SYT2: variants seen among roughly 807,000 people sequenced by gnomAD.
SYT2 encodes synaptotagmin 2.
Under a neutral mutation model 39.9 loss-of-function variants are expected in SYT2, and 15 were observed. The observed-to-expected ratio is 0.38, with a 90% CI of 0.25 to 0.58. The LOEUF (loss-of-function observed/expected upper bound fraction) is 0.58. Ranked by LOEUF, SYT2 falls within the 20% of genes least tolerant of loss-of-function variation. The pLI is 0.70. For missense variants in SYT2, 389 were observed against 530.3 expected, an observed-to-expected ratio of 0.73 and a Z score of 2.62; for synonymous variants, 181 against 204.5, an observed-to-expected ratio of 0.89 and a Z score of 0.98.
intron 1 of SYT2, among the ~76,000 whole-genome samples, chr1:202,606,181 T>A (rs1690701408): frequency 6.6e-6 from 1 of 152,176 alleles, no homozygotes. Context: ...ATCCAAAAAA[T>A]AACCTAATGG....
At chr1:202,697,574 T>G (rs2149120069) in intron 1 of SYT2, among the ~76,000 whole-genome samples, 1 of 152,370 alleles carries the variant, frequency 6.6e-6, no homozygotes, top group East Asian at 1.9e-4. Context: ...GAAGGGGCTG[T>G]TTGAGGAATC....
intron 1 of SYT2, among the ~76,000 whole-genome samples, chr1:202,691,969 C>T (rs1653848381): frequency 1.3e-5 from 2 of 151,992 alleles, no homozygotes; most frequent in Non-Finnish European, 2.9e-5. Flanking sequence ...TTCTCTCTCC[C>T]ACCATCAAAG....
At chr1:202,683,252 T>A (rs1303470740) in intron 1 of SYT2, among the ~76,000 whole-genome samples, 2 of 152,224 alleles carry the variant, frequency 1.3e-5, no homozygotes, top group Non-Finnish European at 2.9e-5. Context: ...ATGACAAGTA[T>A]GTTCGCAGCA....
intron 1 of SYT2, among the ~76,000 whole-genome samples, chr1:202,672,576 A>G (rs1458116549): frequency 1.3e-5 from 2 of 151,084 alleles, no homozygotes; most frequent in Non-Finnish European, 2.9e-5. Context: ...ACAATAACTG[A>G]AAATACAAGT....
intron 1 of SYT2, among the ~76,000 whole-genome samples, chr1:202,630,695 C>T (rs1183122018): frequency 6.6e-6 from 1 of 152,198 alleles, no homozygotes; most frequent in Non-Finnish European, 1.5e-5. Context: ...CATCTGGGAC[C>T]CTCTCCTCAG....
chr1:202,695,344 C>T (rs1039472235), intron 1 of SYT2, among the ~76,000 whole-genome samples: 1 of 152,154 alleles, frequency 6.6e-6, no homozygotes, highest in African/African-American at 2.4e-5. Context: ...TCAGGGCCTC[C>T]TGAAGAAAAG....
chr1:202,660,658 A>G (rs1692359178), intron 1 of SYT2, among the ~76,000 whole-genome samples: 2 of 152,138 alleles, frequency 1.3e-5, no homozygotes, highest in South Asian at 4.1e-4. Context: ...TTTAAAAAAT[A>G]TTTTTATAGA....
At chr1:202,644,790 G>A (rs578231012) in intron 1 of SYT2, among the ~76,000 whole-genome samples, 5 of 152,218 alleles carry the variant, frequency 3.3e-5, no homozygotes, top group Non-Finnish European at 5.9e-5. Context: ...CTGGGGAACC[G>A]GGAAATTCCC....
At chr1:202,641,838 A>G (rs1691924968) in intron 1 of SYT2, among the ~76,000 whole-genome samples, 1 of 152,248 alleles carries the variant, frequency 6.6e-6, no homozygotes, top group African/African-American at 2.4e-5. Context: ...TCTCTAGGAA[A>G]GAATCTGCCC....
chr1:202,668,834 C>G (rs1692528142), intron 1 of SYT2, among the ~76,000 whole-genome samples: 1 of 152,242 alleles, frequency 6.6e-6, no homozygotes, highest in Admixed American at 6.5e-5. Flanking sequence ...TGGCGAGGCA[C>G]TGACCGATGG....
At chr1:202,676,607 C>A (rs905536172) in intron 1 of SYT2, among the ~76,000 whole-genome samples, 9 of 152,182 alleles carry the variant, frequency 5.9e-5, no homozygotes, top group African/African-American at 2.2e-4. Context: ...AAAACAGAAG[C>A]TTTTCCCAGG....
chr1:202,680,308 T>C (rs563816099), intron 1 of SYT2, among the ~76,000 whole-genome samples: 11 of 152,316 alleles, frequency 7.2e-5, no homozygotes, highest in Admixed American at 2.6e-4. Flanking sequence ...CTAGGAGCCA[T>C]AGAAAATTGG....
intron 1 of SYT2, among the ~76,000 whole-genome samples, chr1:202,645,667 G>C (rs1318970661): frequency 6.6e-6 from 1 of 152,226 alleles, no homozygotes; most frequent in Non-Finnish European, 1.5e-5. Context: ...CTTCTGTAAG[G>C]TTATGTCTGC....
chr1:202,614,660 G>A lies in SYT2; in HGVS notation c.-17-8871C>T, dbSNP rs916618614. Reference sequence around the variant, plus strand: ...TCTGGGAAAGCAAAAGTGCTTTCTTGAAAAATTGATGATTGAACTGAGACC... The same window carrying A: ...TCTGGGAAAGCAAAAGTGCTTTCTTAAAAAATTGATGATTGAACTGAGACC... On this transcript the variant is annotated intron_variant, in intron 1 of 8. Coordinates refer to ENST00000367268, the MANE Select transcript of SYT2 (RefSeq NM_177402.5). This position sits in a 1 kb window ranked among gnomAD's most constrained non-coding sequence, Gnocchi z 4.0. 2.0e-5 allele frequency among the ~76,000 whole-genome samples: 3 copies of A among 152,244 alleles called. No individual in the cohort carries two copies. Among genetic ancestry groups the A allele is most frequent in the African/African-American group, 7.2e-5 (3 of 41,466 alleles).
At chr1:202,660,539 GC>G (rs1489019611) in intron 1 of SYT2, among the ~76,000 whole-genome samples, 2 of 152,166 alleles carry the variant, frequency 1.3e-5, no homozygotes, top group Non-Finnish European at 2.9e-5. Flanking sequence ...AGATTCCCAG[GC>G]CCAACTCCAG....
chr1:202,701,917 G>A (rs977981825), intron 1 of SYT2, among the ~76,000 whole-genome samples: 13 of 152,164 alleles, frequency 8.5e-5, no homozygotes, highest in African/African-American at 2.4e-4. Context: ...GGTCACACAG[G>A]CAGGAAGTGG....
chr1:202,696,349 G>A (rs917045845), intron 1 of SYT2, among the ~76,000 whole-genome samples: 6 of 152,134 alleles, frequency 3.9e-5, no homozygotes, highest in Non-Finnish European at 5.9e-5. Flanking sequence ...GGATGCCTAT[G>A]GTGGCTGCCT....
chr1:202,603,852 T>A (rs1462016541), intron 3 of SYT2, among the ~76,000 whole-genome samples: 1 of 152,190 alleles, frequency 6.6e-6, no homozygotes, highest in Non-Finnish European at 1.5e-5. Flanking sequence ...CCATATGGAT[T>A]CCTTGAGCAA....
At position 202,605,903 on chromosome 1, in the gene SYT2, A is replaced by G. The variant is rs757415726; in HGVS notation, c.-17-114T>C. ...TTTATAGATCAAAGATATTTTGCAT[A>G]ATATTAACAACTGTAGTAAACCAAT... On this transcript the variant is annotated intron_variant, in intron 1 of 8. Transcript: ENST00000367268. 12 of 687,552 alleles carry G rather than the reference A, an allele frequency of 1.7e-5. No homozygotes were observed. In the South Asian group the frequency reaches 2.0e-4, roughly 11 times the overall value. 42.6% of individuals were successfully genotyped at this position (687,552 alleles called of 1,614,324 possible).
Sources: allele counts gnomAD v4.1 joint callset (sites outside exome capture counted in the v4.1 genomes callset), GRCh38; gene constraint gnomAD v4.1.1; non-coding constraint Gnocchi (gnomAD v3.1); transcripts MANE v1.5; gene names NCBI Gene and HGNC (gene_info 2026-07-23, HGNC 2026-07-21).